CSMD2: variants seen among roughly 807,000 people sequenced by gnomAD.
The protein encoded by CSMD2 is CUB and Sushi multiple domains 2, also known as CUB and sushi domain-containing protein 2.
CSMD2 carries 130 observed loss-of-function variants against 398.5 expected under a neutral mutation model. The observed-to-expected ratio is 0.33, with a 90% CI of 0.28 to 0.38. The LOEUF (loss-of-function observed/expected upper bound fraction) is 0.38, where lower values mean the gene tolerates loss of function less well. Among genes scored for constraint, CSMD2 ranks in the 10% least tolerant of loss-of-function variants. The pLI, the probability that CSMD2 is intolerant of heterozygous loss-of-function variation, is 1.00. For missense variants in CSMD2, 3,829 were observed against 4,764.9 expected, an observed-to-expected ratio of 0.80 and a Z score of 5.78; for synonymous variants, 1,828 against 1,908.5, an observed-to-expected ratio of 0.96 and a Z score of 1.10.
At chr1:33,880,526 T>C (rs1196367737) in intron 5 of CSMD2, among the ~76,000 whole-genome samples, 2 of 152,234 alleles carry the variant, frequency 1.3e-5, no homozygotes, top group Non-Finnish European at 2.9e-5. Flanking sequence ...AAAAACTATT[T>C]ACATTAAAGT....
At chr1:33,574,666 C>T (rs968386202) in intron 49 of CSMD2, among the ~76,000 whole-genome samples, 1 of 152,140 alleles carries the variant, frequency 6.6e-6, no homozygotes, top group East Asian at 1.9e-4. Flanking sequence ...GGAGGGTAGA[C>T]TGTTCAGAGG....
intron 1 of CSMD2, among the ~76,000 whole-genome samples, chr1:34,092,246 T>C (rs899995159): frequency 5.3e-5 from 8 of 152,212 alleles, no homozygotes; most frequent in Non-Finnish European, 8.8e-5. Flanking sequence ...CTTGAGTGGA[T>C]ACAGAAAGGT....
intron 5 of CSMD2, among the ~76,000 whole-genome samples, chr1:33,893,900 T>C (rs749817127): frequency 6.6e-6 from 1 of 152,062 alleles, no homozygotes; most frequent in Non-Finnish European, 1.5e-5. Context: ...GATGCTGGGG[T>C]GGCTGATACT....
At chr1:33,857,635 T>C (rs1463010603) in intron 5 of CSMD2, among the ~76,000 whole-genome samples, 1 of 152,048 alleles carries the variant, frequency 6.6e-6, no homozygotes, top group African/African-American at 2.4e-5. Flanking sequence ...ACTAGAGAGA[T>C]GACAATCTCT....
chr1:33,560,258 T>C (rs1456048375), intron 53 of CSMD2, among the ~76,000 whole-genome samples: 2 of 152,196 alleles, frequency 1.3e-5, no homozygotes, highest in African/African-American at 4.8e-5. Flanking sequence ...CATCTGACTG[T>C]CACATTAAGC....
intron 25 of CSMD2, among the ~76,000 whole-genome samples, chr1:33,691,256 C>T (rs1205919427): frequency 6.6e-6 from 1 of 152,096 alleles, no homozygotes; most frequent in Non-Finnish European, 1.5e-5. Context: ...AAATGTTTAG[C>T]TTTTATTCTG....
Position 33,623,440 on chromosome 1 carries a change from C to T in CSMD2, c.5652G>A (p.Glu1884=). Residue 1884 remains glutamate, a synonymous_variant, in exon 36 of 71, where the codon GAG becomes GAA. Coordinates refer to ENST00000373381, the MANE Select transcript of CSMD2 (RefSeq NM_001281956.2). ...IQIQVVSFVT[E]QNWDSLEVFD... is the part of the protein sequence containing the mutation. ...ATACTTCCAGCGAGTCCCAGTTCTG[C>T]TCTGTCACAAAACTGACAACTTGGA... 1.2e-6 allele frequency: 2 copies of T among 1,614,112 alleles called. No homozygotes were observed. The highest frequency in any genetic ancestry group is 2.2e-5 in the South Asian group (2 of 91,072).
intron 2 of CSMD2, among the ~76,000 whole-genome samples, chr1:34,056,980 G>A (rs1230561313): frequency 1.3e-5 from 2 of 152,146 alleles, no homozygotes; most frequent in East Asian, 3.8e-4. Context: ...AAGAGGCTGG[G>A]GTATCAATAC....
intron 3 of CSMD2, among the ~76,000 whole-genome samples, chr1:33,982,357 C>A (rs1448080433): frequency 6.6e-6 from 1 of 152,134 alleles, no homozygotes; most frequent in Non-Finnish European, 1.5e-5. Context: ...TGCCCAAGCC[C>A]TGGGCTCTGA....
chr1:34,027,187 A>G (rs1336289704), intron 3 of CSMD2, among the ~76,000 whole-genome samples: 2 of 152,242 alleles, frequency 1.3e-5, no homozygotes, highest in Non-Finnish European at 1.5e-5. Flanking sequence ...AAGATAAGAA[A>G]AATTCTAACA....
At chr1:34,028,944 T>G (rs1446298645) in intron 3 of CSMD2, among the ~76,000 whole-genome samples, 1 of 152,180 alleles carries the variant, frequency 6.6e-6, no homozygotes. Flanking sequence ...GACTTCACCT[T>G]TCTCCAAAAT....
intron 3 of CSMD2, among the ~76,000 whole-genome samples, chr1:33,993,007 C>T (rs1158001562): frequency 2.0e-5 from 3 of 151,720 alleles, no homozygotes; most frequent in South Asian, 4.1e-4. Flanking sequence ...CAGAATAGTA[C>T]ATCTTGTATT....
chr1:33,837,901 C>T (rs1660467321), intron 6 of CSMD2, among the ~76,000 whole-genome samples: 1 of 152,186 alleles, frequency 6.6e-6, no homozygotes. Flanking sequence ...GACATTTTCC[C>T]GCTGTTGTAA....
intron 2 of CSMD2, among the ~76,000 whole-genome samples, chr1:34,085,450 G>A (rs1237252576): frequency 6.6e-6 from 1 of 151,968 alleles, no homozygotes; most frequent in East Asian, 1.9e-4. Flanking sequence ...AATCACGTTT[G>A]CATTATACAT....
intron 2 of CSMD2, among the ~76,000 whole-genome samples, chr1:34,070,711 A>G (rs770031025): frequency 6.6e-6 from 1 of 150,632 alleles, no homozygotes; most frequent in Non-Finnish European, 1.5e-5. Flanking sequence ...ACCCTTGCAG[A>G]CCAAGGCAGG....
At chr1:33,535,382 A>G (rs186208319) in intron 62 of CSMD2, among the ~76,000 whole-genome samples, 2 of 152,298 alleles carry the variant, frequency 1.3e-5, no homozygotes, top group Admixed American at 1.3e-4. Context: ...ATACCTCTAA[A>G]CAATTTAGTA....
intron 2 of CSMD2, among the ~76,000 whole-genome samples, chr1:34,079,248 G>A (rs1012959374): frequency 3.3e-5 from 5 of 152,050 alleles, no homozygotes; most frequent in Non-Finnish European, 7.4e-5. Context: ...TATTATACTG[G>A]AGGTTCTAGA....
chr1:33,790,665 A>G (rs3078810), intron 11 of CSMD2, among the ~76,000 whole-genome samples: 4,445 of 56,786 alleles, frequency 0.078, 83 homozygotes, highest in South Asian at 0.18. Context: ...TTGTCTGTCT[A>G]TCTATCTATC....
intron 51 of CSMD2, 150 bp downstream of exon 51, chr1:33,571,382 C>G (rs1489234158): frequency 1.4e-5 from 7 of 487,942 alleles, no homozygotes; most frequent in Non-Finnish European, 2.3e-5. Flanking sequence ...TTTCCCAGCT[C>G]CTGATTCTAC....
Sources: gnomAD v4.1 joint callset for allele counts (sites outside exome capture counted in the v4.1 genomes callset) on GRCh38, gnomAD v4.1.1 for gene constraint, MANE v1.5 for transcripts, NCBI Gene and HGNC (gene_info 2026-07-23, HGNC 2026-07-21) for gene names.